TNS1: variants seen among roughly 807,000 people sequenced by gnomAD.
TNS1 encodes the protein tensin 1.
TNS1 carries 62 observed loss-of-function variants against 168.6 expected under a neutral mutation model. The ratio of observed to expected loss-of-function variants is 0.37; its 90% confidence interval spans 0.30 to 0.45. TNS1 has a LOEUF of 0.45. Ranked by LOEUF, TNS1 falls within the 20% of genes least tolerant of loss-of-function variation. The pLI is 1.00. For missense variants in TNS1, 2,240 were observed against 2,339.4 expected (o/e 0.96, Z 0.88); for synonymous variants, 934 against 933.2 (o/e 1.00, Z -0.02).
intron 32 of TNS1, 128 bp downstream of exon 32, chr2:217,807,947 A>G (rs1031567337): frequency 1.3e-5 from 15 of 1,112,458 alleles, no homozygotes; most frequent in East Asian, 2.6e-5. Context: ...AAGCTGAGTG[A>G]CCTTGGCACA....
At position 217,921,033 on chromosome 2, in the gene TNS1, G is replaced by A. The variant is rs757826383; in HGVS notation, c.187-797C>T. ...AGTGGAGGGGAGGGAGCGAGAGGGAGGAGGAGAGTAGAGGGGAGGGAGGGA... is the reference window on the plus strand; with the variant it reads ...AGTGGAGGGGAGGGAGCGAGAGGGAAGAGGAGAGTAGAGGGGAGGGAGGGA... On this transcript the variant is annotated intron_variant, in intron 3 of 32. Transcript: ENST00000682258. Among the ~76,000 whole-genome samples the A allele has an allele frequency of 4.6e-5, 7 of 151,646 alleles. No individual in the cohort carries two copies. In the East Asian group the frequency reaches 7.9e-4, roughly 17 times the overall value.
In TNS1 at chr2:217,913,089, G is replaced by C. The variant is rs186690924; in HGVS notation, c.229-5838C>G. ...CAGTCTTGAGGAAGTGGGAGCCGAT[G>C]GGTGAGGGCTAGAGAAAGAGCACTG... is the stretch of plus-strand genomic sequence containing the variant. On this transcript the variant is annotated intron_variant, in intron 4 of 32. Coordinates refer to ENST00000682258, the MANE Select transcript of TNS1 (RefSeq NM_001387777.1). 1.8e-4 allele frequency among the ~76,000 whole-genome samples: 27 copies of C among 152,318 alleles called. No individual in the cohort carries two copies. The East Asian group carries it at 5.0e-3, about 28-fold the overall frequency.
upstream of TNS1, among the ~76,000 whole-genome samples, chr2:218,011,359 G>A (rs1426208244): frequency 6.6e-6 from 1 of 152,188 alleles, no homozygotes; most frequent in African/African-American, 2.4e-5. Context: ...AGTGCGGAGA[G>A]CTGGAGGGGC....
chr2:217,906,484 A>G (rs779067796), intron 5 of TNS1, 99 bp from the exon 6 acceptor site: 7 of 686,650 alleles, frequency 1.0e-5, no homozygotes, highest in Non-Finnish European at 1.6e-5. Context: ...GGAGGTTGGC[A>G]GAGGGGCCTG....
chr2:217,883,302 T>C (rs1287447668), intron 16 of TNS1, among the ~76,000 whole-genome samples: 1 of 152,064 alleles, frequency 6.6e-6, no homozygotes, highest in Admixed American at 6.6e-5. Flanking sequence ...TCTCACTCTG[T>C]TGCCCAGGCC....
intron 23 of TNS1, among the ~76,000 whole-genome samples, chr2:217,820,707 G>A (rs904919542): frequency 2.0e-5 from 3 of 152,090 alleles, no homozygotes; most frequent in Non-Finnish European, 4.4e-5. Flanking sequence ...TGCCTGAGCT[G>A]ATTGCAACCC....
rs138210307 is a variant in TNS1 at position 218,027,097 on chromosome 2, G to A, written c.156+6723C>T. Among the ~76,000 whole-genome samples the A allele has an allele frequency of 5.3e-3, 803 of 151,932 alleles. 49 individuals are homozygous for A. The South Asian group carries it at 0.12, about 22-fold the overall frequency. On this transcript the variant is annotated intron_variant, in intron 1 of 1. Transcript: ENST00000649572. Reference sequence around the variant, plus strand: ...TTACGGCAAACACAATACCTGTACCGCACCCCACCCCACAAACACACACAC... The same window carrying A: ...TTACGGCAAACACAATACCTGTACCACACCCCACCCCACAAACACACACAC...
intron 1 of TNS1, among the ~76,000 whole-genome samples, chr2:218,018,116 A>G (rs1334985618): frequency 6.6e-6 from 1 of 152,234 alleles, no homozygotes; most frequent in Non-Finnish European, 1.5e-5. Context: ...CAGTCCAAGA[A>G]GAGAAAGGAG....
At chr2:217,942,040 A>C (rs999702069) in intron 3 of TNS1, among the ~76,000 whole-genome samples, 2 of 152,128 alleles carry the variant, frequency 1.3e-5, no homozygotes, top group Non-Finnish European at 2.9e-5. Flanking sequence ...GCCCCGCTCC[A>C]CCTGGCCACC....
rs1402874372 is a variant in TNS1, at chr2:217,990,928, A to C, written c.148+14T>G. 7.9e-6 allele frequency: 5 copies of C among 635,056 alleles called. No individual in the cohort carries two copies. The highest frequency in any genetic ancestry group is 4.3e-5 in the Admixed American group (2 of 46,142). The allele number at this position is 635,056 out of a possible 1,614,324, so 39.3% of individuals were successfully genotyped here. On this transcript the variant is annotated intron_variant, in intron 2 of 32. Transcript: ENST00000682258. Reference sequence around the variant, plus strand: ...TGGGTGCTCCCATCCCCCACAGCCCAGACCGCTGCTCACCTTTGCAGGTGC... The same window carrying C: ...TGGGTGCTCCCATCCCCCACAGCCCCGACCGCTGCTCACCTTTGCAGGTGC...
At chr2:217,984,712 C>T (rs1412620106) in intron 2 of TNS1, among the ~76,000 whole-genome samples, 2 of 149,984 alleles carry the variant, frequency 1.3e-5, no homozygotes, top group Non-Finnish European at 3.0e-5. Flanking sequence ...AGGCTGGTAT[C>T]GAACTCCTGG....
At chr2:217,957,043 A>G (rs186530076) in intron 3 of TNS1, among the ~76,000 whole-genome samples, 90 of 152,296 alleles carry the variant, frequency 5.9e-4, no homozygotes, top group African/African-American at 2.0e-3. Flanking sequence ...TTGGCTAGCA[A>G]TGAAAGCACA....
chr2:217,949,290 C>T (rs1575130451), intron 3 of TNS1, among the ~76,000 whole-genome samples: 6 of 152,328 alleles, frequency 3.9e-5, no homozygotes, highest in Non-Finnish European at 2.9e-5. Flanking sequence ...GCACACAAAC[C>T]CCTGTCTCCC....
chr2:217,894,797 C>T (rs943046003), intron 9 of TNS1, among the ~76,000 whole-genome samples: 2 of 152,166 alleles, frequency 1.3e-5, no homozygotes, highest in African/African-American at 2.4e-5. Flanking sequence ...AGCAGGCAGA[C>T]CTGGGTGGAA....
intron 4 of TNS1, among the ~76,000 whole-genome samples, chr2:217,907,756 C>T (rs996353398): frequency 3.3e-5 from 5 of 152,228 alleles, no homozygotes; most frequent in African/African-American, 1.2e-4. Context: ...CAGCCAGTCT[C>T]ATTACTTCAG....
At chr2:217,937,429 G>A (rs530425223) in intron 3 of TNS1, among the ~76,000 whole-genome samples, 4 of 152,122 alleles carry the variant, frequency 2.6e-5, no homozygotes, top group East Asian at 1.9e-4. Flanking sequence ...ATCATAGCCC[G>A]AACCCCAGCT....
At position 217,897,883 on chromosome 2, in the gene TNS1, G is replaced by A; in HGVS notation, c.458C>T (p.Pro153Leu). 6.2e-7 allele frequency: 1 copy of A among 1,613,736 alleles called. No individual in the cohort carries two copies. The highest frequency in any genetic ancestry group is 8.5e-7 in the Non-Finnish European group (1 of 1,179,796). Residue 153 changes from proline (P) to leucine (L), a missense_variant, in exon 8 of 33, where the codon CCC becomes CTC. Transcript: ENST00000682258. ...GAAGTTCTCCTCATTGGCTGTGCTG[G>A]GGAAGGAGACAGCGATGATCCTCTC... Reference protein sequence around the residue: ...VTERIIAVSFPSTANEENFRS... With the variant: ...VTERIIAVSFLSTANEENFRS...
At chr2:218,022,978 C>T (rs1378263162) in intron 1 of TNS1, among the ~76,000 whole-genome samples, 1 of 152,214 alleles carries the variant, frequency 6.6e-6, no homozygotes, top group Non-Finnish European at 1.5e-5. Flanking sequence ...CCACCCCAAC[C>T]TCAAAGAAGG....
At chr2:217,830,396 GA>G in intron 22 of TNS1, 4 of 1,613,984 alleles carry the variant, frequency 2.5e-6, no homozygotes, top group Non-Finnish European at 3.4e-6. Context: ...GGTAACTAAG[GA>G]AAAAAGTAAA....
Sources: gnomAD v4.1 joint callset for allele counts (sites outside exome capture counted in the v4.1 genomes callset) on GRCh38, gnomAD v4.1.1 for gene constraint, MANE v1.5 for transcripts, NCBI Gene and HGNC (gene_info 2026-07-23, HGNC 2026-07-21) for gene names.